The following PRKCQ variants were observed in gnomAD, a reference collection of about 807,000 sequenced individuals.
PRKCQ encodes protein kinase C theta, also known as protein kinase C theta type.
In PRKCQ, 41 loss-of-function variants were observed where a neutral mutation model predicts 91.2. The ratio of observed to expected loss-of-function variants is 0.45; its 90% CI spans 0.35 to 0.58. The LOEUF (loss-of-function observed/expected upper bound fraction) is 0.58, where lower values mean the gene tolerates loss of function less well. PRKCQ is among the 20% of genes least tolerant of loss of function. The pLI is 0.00. For missense variants in PRKCQ, 673 were observed against 896.5 expected (o/e 0.75, Z 3.18); for synonymous variants, 307 against 316.9 (o/e 0.97, Z 0.33).
At position 6,498,570 on chromosome 10, in the gene PRKCQ, G is replaced by A; in HGVS notation, c.380-12C>T. 5 of 1,612,458 alleles carry A rather than the reference G, an allele frequency of 3.1e-6. No individual in the cohort carries two copies. Among genetic ancestry groups the A allele is most frequent in the Non-Finnish European group, 4.2e-6 (5 of 1,178,884 alleles). ...CATGTCCTTTGTGTCTACAGGAAGA[G>A]AGAGGGGAAGAAAGTGAAGTTCTGC... On this transcript the variant is annotated splice_polypyrimidine_tract_variant and intron_variant, in intron 4 of 17. Coordinates refer to ENST00000263125, the MANE Select transcript of PRKCQ (RefSeq NM_006257.5).
intron 1 of PRKCQ, among the ~76,000 whole-genome samples, chr10:6,559,683 T>C (rs540945694): frequency 3.3e-5 from 5 of 152,264 alleles, no homozygotes; most frequent in Admixed American, 3.3e-4. Context: ...TTAACCATGA[T>C]TTTGTGGCAG....
chr10:6,450,919 T>A (rs1338756623), intron 15 of PRKCQ, among the ~76,000 whole-genome samples: 1 of 152,092 alleles, frequency 6.6e-6, no homozygotes, highest in African/African-American at 2.4e-5. Context: ...TGGGACACAT[T>A]CAAAGCAGTG....
chr10:6,451,575 G>T (rs546169271), intron 15 of PRKCQ, among the ~76,000 whole-genome samples: 9 of 152,114 alleles, frequency 5.9e-5, no homozygotes, highest in African/African-American at 1.4e-4. Flanking sequence ...TAACTCATTT[G>T]ATGAGGCCAG....
intron 4 of PRKCQ, among the ~76,000 whole-genome samples, chr10:6,500,856 G>C (rs1837868886): frequency 6.6e-6 from 1 of 152,086 alleles, no homozygotes; most frequent in African/African-American, 2.4e-5. Context: ...CCTCACCCTT[G>C]CATGGCTAAC....
At chr10:6,406,712 A>G in the PRKCQ span, among the ~76,000 whole-genome samples, 3 of 152,180 alleles carry the variant, frequency 2.0e-5, no homozygotes, top group Non-Finnish European at 4.4e-5. Flanking sequence ...TTCATTCTGG[A>G]GTAAGATGTG....
chr10:6,519,315 C>T (rs1006838081), intron 1 of PRKCQ, among the ~76,000 whole-genome samples: 2 of 152,342 alleles, frequency 1.3e-5, no homozygotes, highest in Non-Finnish European at 2.9e-5. Context: ...CTCATCTTCA[C>T]TCTCCATTCA....
chr10:6,459,129 G>GCAAAGCCT (rs1835188296), intron 14 of PRKCQ, among the ~76,000 whole-genome samples: 1 of 152,088 alleles, frequency 6.6e-6, no homozygotes, highest in African/African-American at 2.4e-5. Flanking sequence ...TCTTCCATCT[G>GCAAAGCCT]CAAAGCCTCT....
At chr10:6,396,639 C>G in the PRKCQ span, among the ~76,000 whole-genome samples, 1 of 152,192 alleles carries the variant, frequency 6.6e-6, no homozygotes, top group Non-Finnish European at 1.5e-5. Context: ...TGCTGAGTAG[C>G]GTTCTGTTGT....
chr10:6,482,142 C>A (rs1006348642), intron 11 of PRKCQ, among the ~76,000 whole-genome samples: 2 of 152,072 alleles, frequency 1.3e-5, no homozygotes, highest in East Asian at 3.9e-4. Flanking sequence ...GACTCTCAAG[C>A]TACAGTTTTC....
At chr10:6,437,904 C>T (rs1833782231) in intron 16 of PRKCQ, among the ~76,000 whole-genome samples, 1 of 152,178 alleles carries the variant, frequency 6.6e-6, no homozygotes, top group African/African-American at 2.4e-5. Flanking sequence ...CCGCCCATCT[C>T]GGCCTCCCAA....
At chr10:6,458,649 G>A (rs564002045) in intron 14 of PRKCQ, among the ~76,000 whole-genome samples, 5 of 152,032 alleles carry the variant, frequency 3.3e-5, no homozygotes, top group South Asian at 2.1e-4. Context: ...GGCTGGCTCC[G>A]CCTCACCATT....
At chr10:6,548,588 A>G (rs1455316836) in intron 1 of PRKCQ, among the ~76,000 whole-genome samples, 9 of 148,082 alleles carry the variant, frequency 6.1e-5, no homozygotes, top group Non-Finnish European at 7.5e-5. Flanking sequence ...TTGTAGGGAC[A>G]TGGATGAAAT....
chr10:6,532,511 A>T (rs1201616752), intron 1 of PRKCQ, among the ~76,000 whole-genome samples: 1 of 151,672 alleles, frequency 6.6e-6, no homozygotes, highest in Admixed American at 6.6e-5. Context: ...GTCTACAGTC[A>T]TCCCACCCCG....
At chr10:6,448,913 C>T (rs1320503079) in intron 15 of PRKCQ, among the ~76,000 whole-genome samples, 1 of 151,486 alleles carries the variant, frequency 6.6e-6, no homozygotes, top group Non-Finnish European at 1.5e-5. Context: ...AAAGGACATC[C>T]ACACCAAAAA....
intron 1 of PRKCQ, among the ~76,000 whole-genome samples, chr10:6,526,044 A>G (rs1438943257): frequency 6.6e-6 from 1 of 152,288 alleles, no homozygotes; most frequent in East Asian, 1.9e-4. Context: ...TGCATTGCAC[A>G]GATTAAACGA....
intron 4 of PRKCQ, among the ~76,000 whole-genome samples, chr10:6,501,308 G>C (rs1243634374): frequency 6.6e-6 from 1 of 152,146 alleles, no homozygotes; most frequent in Non-Finnish European, 1.5e-5. Flanking sequence ...TGATGTTCAA[G>C]ATTGGGGAAG....
At chr10:6,471,750 A>AAAAC (rs377263237) in intron 12 of PRKCQ, among the ~76,000 whole-genome samples, 65 of 152,040 alleles carry the variant, frequency 4.3e-4, no homozygotes, top group African/African-American at 8.9e-4. Flanking sequence ...ACTCCTTCTC[A>AAAAC]AAACAAACAA....
At chr10:6,431,331 C>A (rs553449154) in intron 16 of PRKCQ, among the ~76,000 whole-genome samples, 5 of 152,302 alleles carry the variant, frequency 3.3e-5, no homozygotes, top group East Asian at 3.9e-4. Flanking sequence ...CAGGCACACA[C>A]GTGCACACAG....
chr10:6,473,864 C>CT lies in PRKCQ; in HGVS notation c.1353+5127dup, dbSNP rs1359023818. On this transcript the variant is annotated intron_variant, in intron 12 of 17. Transcript: ENST00000263125. ...AAAGTATCAAGTTCAAGGAGTTTTTCTTTTTAATTTTAAATGATAATAATA... is the reference window on the plus strand; with the variant it reads ...AAAGTATCAAGTTCAAGGAGTTTTTCTTTTTTAATTTTAAATGATAATAATA... 1.4e-4 allele frequency among the ~76,000 whole-genome samples: 21 copies of CT among 152,148 alleles called. No homozygotes were observed. The South Asian group carries it at 3.9e-3, about 29-fold the overall frequency.
Sources: gnomAD v4.1 joint callset for allele counts (sites outside exome capture counted in the v4.1 genomes callset) on GRCh38, gnomAD v4.1.1 for gene constraint, MANE v1.5 for transcripts, NCBI Gene and HGNC (gene_info 2026-07-23, HGNC 2026-07-21) for gene names.